Variants in SYNJ1 observed in about 807,000 individuals in gnomAD.
The protein encoded by SYNJ1 is synaptojanin 1, also known as polyphosphatidylinositol phosphatase SYNJ1.
A neutral mutation model predicts 168.2 loss-of-function variants in SYNJ1; 78 were observed. The ratio of observed to expected loss-of-function variants is 0.46; its 90% CI spans 0.39 to 0.56. SYNJ1 has a LOEUF of 0.56. Ranked by LOEUF, SYNJ1 falls within the 20% of genes least tolerant of loss-of-function variation. SYNJ1 has a pLI of 0.00. For synonymous variants in SYNJ1, 539 were observed against 548.6 expected (o/e 0.98, Z 0.24); for missense variants, 1,303 against 1,597.6 (o/e 0.82, Z 3.14).
intron 13 of SYNJ1, among the ~76,000 whole-genome samples, chr21:32,675,682 C>A (rs1490974254): frequency 6.6e-6 from 1 of 152,122 alleles, no homozygotes; most frequent in African/African-American, 2.4e-5. Context: ...TGTTTAAAGA[C>A]AAGATCATAA....
chr21:32,685,785 A>G lies in SYNJ1; in HGVS notation c.1081T>C (p.Tyr361His). Reference sequence around the variant, plus strand: ...CTTCCATTGAAATAAAAAAATCCATAATCTAGAAACTTCTGGACTTGAGGT... The same window carrying G: ...CTTCCATTGAAATAAAAAAATCCATGATCTAGAAACTTCTGGACTTGAGGT... ...LKPQVQKFLDYGFFYFNGSEV... is the reference protein window; with the variant it reads ...LKPQVQKFLDHGFFYFNGSEV... Residue 361 changes from tyrosine to histidine, a missense_variant, in exon 9 of 33, where the codon TAT becomes CAT. Transcript: ENST00000674351. 1 of 1,609,384 alleles carries G rather than the reference A, an allele frequency of 6.2e-7. No homozygotes were observed. The highest frequency in any genetic ancestry group is 1.1e-5 in the South Asian group (1 of 90,010).
intron 21 of SYNJ1, among the ~76,000 whole-genome samples, chr21:32,656,436 CCT>C (rs1216280843): frequency 6.6e-6 from 1 of 151,688 alleles, no homozygotes; most frequent in East Asian, 1.9e-4. Flanking sequence ...TGGGTGAGAC[CCT>C]GTCTTAAAAA....
At chr21:32,641,818 T>C (rs1415499196) in intron 29 of SYNJ1, 78 bp downstream of exon 29, 5 of 1,091,984 alleles carry the variant, frequency 4.6e-6, no homozygotes, top group African/African-American at 1.6e-5. Context: ...ACATGATTTC[T>C]CCAAGGTAAC....
chr21:32,725,991 G>C (rs760262794), intron 2 of SYNJ1, among the ~76,000 whole-genome samples: 5 of 152,080 alleles, frequency 3.3e-5, no homozygotes, highest in Non-Finnish European at 7.4e-5. Context: ...AAGGGCACAC[G>C]ACGGAGCCGA....
intron 6 of SYNJ1, among the ~76,000 whole-genome samples, chr21:32,692,514 T>C (rs528971742): frequency 3.6e-3 from 542 of 152,134 alleles, no homozygotes; most frequent in Non-Finnish European, 6.4e-3. Flanking sequence ...AGGCGGAGGT[T>C]GCAGTAAGCT....
rs576023730 is a variant in SYNJ1 at position 32,650,421 on chromosome 21, G to A, written c.2875-75C>T. The A allele has an allele frequency of 3.4e-4, 454 of 1,336,284 alleles. 1 individual carries two copies. The highest frequency in any genetic ancestry group is 4.1e-4 in the Non-Finnish European group (399 of 969,770). The allele number at this position is 1,336,284 out of a possible 1,614,324, so 82.8% of individuals were successfully genotyped here. ...AATTTGGAATAAAGAGGCTGACTTC[G>A]TTAAACTATGCAATGGTATAGACAG... is the stretch of plus-strand genomic sequence containing the variant. On this transcript the variant is annotated intron_variant, in intron 22 of 32. Transcript: ENST00000674351.
At chr21:32,709,580 C>T (rs925372287) in intron 2 of SYNJ1, among the ~76,000 whole-genome samples, 12 of 148,734 alleles carry the variant, frequency 8.1e-5, no homozygotes, top group South Asian at 2.2e-4. Flanking sequence ...TGCAGTGACG[C>T]GATCTTGGCT....
intron 18 of SYNJ1, among the ~76,000 whole-genome samples, chr21:32,659,301 T>C (rs1178109481): frequency 6.6e-6 from 1 of 152,186 alleles, no homozygotes; most frequent in African/African-American, 2.4e-5. Context: ...GTGAATCTTA[T>C]AGATACATAA....
chr21:32,631,031 A>T lies in SYNJ1; in HGVS notation c.*774T>A. Reference sequence around the variant, plus strand: ...TAAAGTCCAGTGTGGGTGAAGCCTTAGAGGCCAAGGTCGTGAAAGGATCTA... The same window carrying T: ...TAAAGTCCAGTGTGGGTGAAGCCTTTGAGGCCAAGGTCGTGAAAGGATCTA... On this transcript the variant is annotated 3_prime_UTR_variant, in exon 33 of 33. Coordinates refer to ENST00000674351, the MANE Select transcript of SYNJ1 (RefSeq NM_203446.3). 1 of 1,614,040 alleles carries T rather than the reference A, an allele frequency of 6.2e-7. No individual in the cohort carries two copies. Among genetic ancestry groups the T allele is most frequent in the Non-Finnish European group, 8.5e-7 (1 of 1,179,968 alleles).
intron 31 of SYNJ1, among the ~76,000 whole-genome samples, chr21:32,636,115 A>G (rs1264687541): frequency 6.6e-6 from 1 of 152,210 alleles, no homozygotes; most frequent in Non-Finnish European, 1.5e-5. Flanking sequence ...ATAGGTTTAT[A>G]CTGAGAGGTA....
At chr21:32,688,743 C>G (rs1601427480) in intron 6 of SYNJ1, among the ~76,000 whole-genome samples, 2 of 152,156 alleles carry the variant, frequency 1.3e-5, no homozygotes, top group Admixed American at 6.5e-5. Context: ...ACCAAAATAC[C>G]AACAGGTAAA....
chr21:32,689,866 C>G (rs1299416794), intron 6 of SYNJ1, among the ~76,000 whole-genome samples: 3 of 152,122 alleles, frequency 2.0e-5, no homozygotes, highest in Non-Finnish European at 4.4e-5. Flanking sequence ...TTTTATGGTA[C>G]TTAATAATAT....
chr21:32,689,168 T>TA (rs1199350921), intron 6 of SYNJ1, among the ~76,000 whole-genome samples: 1 of 152,210 alleles, frequency 6.6e-6, no homozygotes, highest in Non-Finnish European at 1.5e-5. Context: ...TGAGACCAGA[T>TA]TATTTCCCTG....
At chr21:32,663,757 C>T (rs574598261) in intron 18 of SYNJ1, among the ~76,000 whole-genome samples, 6 of 152,218 alleles carry the variant, frequency 3.9e-5, no homozygotes, top group Admixed American at 2.6e-4. Flanking sequence ...CCGAATCATA[C>T]GGTTACAAGC....
At chr21:32,659,975 A>G (rs968573550) in intron 18 of SYNJ1, among the ~76,000 whole-genome samples, 6 of 152,174 alleles carry the variant, frequency 3.9e-5, no homozygotes, top group Non-Finnish European at 4.4e-5. Context: ...CCGGGTAGGT[A>G]ATTGCCCCGG....
At position 32,678,729 on chromosome 21, in the gene SYNJ1, T is replaced by C; in HGVS notation, c.1426A>G (p.Ile476Val). 14 of 1,613,666 alleles carry C rather than the reference T, an allele frequency of 8.7e-6. No individual in the cohort carries two copies. The highest frequency in any genetic ancestry group is 1.2e-5 in the Non-Finnish European group (14 of 1,179,786). Residue 476 changes from isoleucine (I) to valine (V), a missense_variant, in exon 12 of 33, where the codon ATT becomes GTT. Ile to Val is a conservative substitution (Grantham distance 29). This residue lies in a region of SYNJ1 where 920 missense variants were observed against 1,208.8 expected (regional missense o/e 0.76). Coordinates refer to ENST00000674351, the MANE Select transcript of SYNJ1 (RefSeq NM_203446.3). ...NFFDSSKQEA[I>V]DVLLLGNTLN... ...GTATTTCCCAGTAGCAAAACATCAA[T>C]GGCCTCTTGCTTGGAGCTGTCAAAG...
At position 32,686,953 on chromosome 21, in the gene SYNJ1, TGAAATAA is replaced by T; in HGVS notation, c.948+18_948+24del. 7.0e-7 allele frequency: 1 copy of T among 1,432,358 alleles called. No homozygotes were observed. The highest frequency in any genetic ancestry group is 9.5e-7 in the Non-Finnish European group (1 of 1,055,050). 88.7% of individuals were successfully genotyped at this position (1,432,358 alleles called of 1,614,324 possible). ...CATTCTAGGTGTCCATGGGCCAGAA[TGAAATAA>T]GAAATGACCATACTTACCTGGAAAG... On this transcript the variant is annotated intron_variant, in intron 8 of 32. Coordinates refer to ENST00000674351, the MANE Select transcript of SYNJ1 (RefSeq NM_203446.3).
chr21:32,727,878 G>T, intron 1 of SYNJ1, 68 bp downstream of exon 1: 1 of 1,525,056 alleles, frequency 6.6e-7, no homozygotes, highest in South Asian at 1.2e-5. Flanking sequence ...GGTCTTGGAG[G>T]CGTCCGCCCG....
At chr21:32,694,426 T>G (rs1391502991) in intron 5 of SYNJ1, 115 bp from the exon 6 acceptor site, 3 of 745,088 alleles carry the variant, frequency 4.0e-6, no homozygotes, top group Non-Finnish European at 5.9e-6. Context: ...ATGATCTAAC[T>G]CTCATATACA....
Sources: allele counts gnomAD v4.1 joint callset (sites outside exome capture counted in the v4.1 genomes callset), GRCh38; gene constraint gnomAD v4.1.1; regional missense constraint gnomAD v4.1.1; transcripts MANE v1.5; gene names NCBI Gene and HGNC (gene_info 2026-07-23, HGNC 2026-07-21).